SUGCT: variants seen among roughly 807,000 people sequenced by gnomAD.
SUGCT encodes succinyl-CoA:glutarate-CoA transferase, also known as succinyl-CoA:glutarate CoA-transferase.
Under a neutral mutation model 55.0 loss-of-function variants are expected in SUGCT, and 41 were observed. That is an observed-to-expected ratio of 0.74 (90% CI 0.58 to 0.97). SUGCT has a LOEUF of 0.97. Among genes scored for constraint, SUGCT ranks in the 50% least tolerant of loss-of-function variants. The probability of loss-of-function intolerance (pLI) is 0.00; values close to 1 mark genes in which losing one functional copy is unlikely to be tolerated. For missense variants in SUGCT, 568 were observed against 547.8 expected (o/e 1.04, Z -0.37); for synonymous variants, 187 against 200.4 (o/e 0.93, Z 0.56).
chr7:40,371,222 A>G (rs1316516787), intron 9 of SUGCT, among the ~76,000 whole-genome samples: 3 of 152,156 alleles, frequency 2.0e-5, no homozygotes, highest in African/African-American at 7.2e-5. Context: ...TTGCTGTATA[A>G]GTACCCAGAT....
At chr7:40,487,321 G>A (rs1791434776) in intron 11 of SUGCT, among the ~76,000 whole-genome samples, 2 of 139,544 alleles carry the variant, frequency 1.4e-5, no homozygotes. Context: ...TGGCCAGGCT[G>A]GTCTCGAACT....
At chr7:40,408,075 A>C (rs1477161680) in intron 9 of SUGCT, among the ~76,000 whole-genome samples, 1 of 152,110 alleles carries the variant, frequency 6.6e-6, no homozygotes, top group African/African-American at 2.4e-5. Flanking sequence ...CAAATTGAAG[A>C]TGATACCTTT....
At chr7:40,762,129 A>G (rs1196135824) in intron 13 of SUGCT, among the ~76,000 whole-genome samples, 1 of 152,186 alleles carries the variant, frequency 6.6e-6, no homozygotes, top group Non-Finnish European at 1.5e-5. Context: ...ACTGACGTGC[A>G]GATCAGGAAT....
At chr7:40,281,374 A>T (rs537518276) in intron 8 of SUGCT, among the ~76,000 whole-genome samples, 1 of 152,372 alleles carries the variant, frequency 6.6e-6, no homozygotes, top group South Asian at 2.1e-4. Context: ...AAGGAAATTA[A>T]GAGAACTCCT....
intron 13 of SUGCT, among the ~76,000 whole-genome samples, chr7:40,761,690 G>A (rs993214866): frequency 6.6e-6 from 1 of 152,088 alleles, no homozygotes; most frequent in Non-Finnish European, 1.5e-5. Flanking sequence ...CCCTCAGAGC[G>A]CTTATTAACA....
chr7:40,709,850 T>C (rs888473442), intron 12 of SUGCT, among the ~76,000 whole-genome samples: 2 of 152,230 alleles, frequency 1.3e-5, no homozygotes, highest in African/African-American at 4.8e-5. Flanking sequence ...ACTGCCGGAA[T>C]TTCTGACAGA....
intron 13 of SUGCT, among the ~76,000 whole-genome samples, chr7:40,858,990 G>A (rs764367945): frequency 3.3e-5 from 5 of 152,118 alleles, no homozygotes; most frequent in East Asian, 1.9e-4. Flanking sequence ...CTCAAAGCTC[G>A]TTTGCTGCTT....
the SUGCT span, among the ~76,000 whole-genome samples, chr7:41,007,802 G>T: frequency 1.0e-5 from 1 of 99,946 alleles, no homozygotes; most frequent in African/African-American, 3.6e-5. Flanking sequence ...ATGGAATCTT[G>T]AAGGAATTAC....
At chr7:40,475,458 C>G (rs1441547309) in intron 11 of SUGCT, among the ~76,000 whole-genome samples, 2 of 152,124 alleles carry the variant, frequency 1.3e-5, no homozygotes, top group Non-Finnish European at 2.9e-5. Context: ...AATACTTTGT[C>G]CATAGTATAT....
intron 12 of SUGCT, among the ~76,000 whole-genome samples, chr7:40,685,161 T>C (rs935493355): frequency 6.6e-6 from 1 of 152,128 alleles, no homozygotes; most frequent in African/African-American, 2.4e-5. Flanking sequence ...CTGGCTCTTA[T>C]GAGTATTTTC....
At chr7:40,214,800 G>C (rs1190187744) in intron 6 of SUGCT, among the ~76,000 whole-genome samples, 4 of 152,002 alleles carry the variant, frequency 2.6e-5, no homozygotes, top group Non-Finnish European at 4.4e-5. Flanking sequence ...TGTAGTCCCA[G>C]CTACTCAGGA....
At chr7:40,945,275 A>G in the SUGCT span, among the ~76,000 whole-genome samples, 5 of 151,926 alleles carry the variant, frequency 3.3e-5, no homozygotes, top group African/African-American at 1.2e-4. Context: ...AAAGTGGACT[A>G]CCTCCCAGTC....
At chr7:40,395,489 CAAAAAAAAAA>C (rs36068766) in intron 9 of SUGCT, among the ~76,000 whole-genome samples, 11 of 46,128 alleles carry the variant, frequency 2.4e-4, no homozygotes, top group Non-Finnish European at 4.4e-4. Flanking sequence ...AACTCTGTCT[CAAAAAAAAAA>C]AAAAAAAAAA....
At chr7:40,576,004 T>A (rs1163567594) in intron 12 of SUGCT, among the ~76,000 whole-genome samples, 1 of 151,726 alleles carries the variant, frequency 6.6e-6, no homozygotes, top group East Asian at 1.9e-4. Flanking sequence ...GTTTCTCCCA[T>A]GTTGTAAAAA....
the SUGCT span, among the ~76,000 whole-genome samples, chr7:40,884,203 A>G: frequency 6.6e-6 from 1 of 152,202 alleles, no homozygotes; most frequent in African/African-American, 2.4e-5. Flanking sequence ...CAGCAATAGG[A>G]AACTGCTACC....
chr7:40,324,370 T>C (rs1338387267), intron 9 of SUGCT, among the ~76,000 whole-genome samples: 2 of 151,486 alleles, frequency 1.3e-5, no homozygotes, highest in Non-Finnish European at 2.9e-5. Flanking sequence ...ATTCTTGTGC[T>C]TCAGCCTCCC....
At chr7:40,932,716 A>G in the SUGCT span, among the ~76,000 whole-genome samples, 35 of 149,052 alleles carry the variant, frequency 2.3e-4, no homozygotes, top group Admixed American at 1.5e-3. Flanking sequence ...GTTGGTTTCA[A>G]GTCTGCTTTA....
intron 6 of SUGCT, among the ~76,000 whole-genome samples, chr7:40,197,090 C>CACCCACCATCAAGTGATCCACCCACAA (rs1358760275): frequency 6.6e-6 from 1 of 152,198 alleles, no homozygotes; most frequent in South Asian, 2.1e-4. Context: ...CCACATCAGC[C>CACCCACCATCAAGTGATCCACCCACAA]TCCCAAAGTG....
chr7:40,525,998 A>G (rs1026286942), intron 12 of SUGCT, among the ~76,000 whole-genome samples: 2 of 152,188 alleles, frequency 1.3e-5, no homozygotes, highest in Non-Finnish European at 2.9e-5. Flanking sequence ...TCCAGCTCCC[A>G]AGAATGGAAC....
Sources: allele counts gnomAD v4.1 joint callset (sites outside exome capture counted in the v4.1 genomes callset), GRCh38; gene constraint gnomAD v4.1.1; transcripts MANE v1.5; gene names NCBI Gene and HGNC (gene_info 2026-07-23, HGNC 2026-07-21).